Variants in DNAH6 observed in about 807,000 individuals in gnomAD.
DNAH6 encodes the protein axonemal beta dynein heavy chain 6.
In DNAH6, 340 loss-of-function variants were observed where a neutral mutation model predicts 491.4. The observed-to-expected ratio is 0.69, with a 90% CI of 0.63 to 0.76. The LOEUF is 0.76. DNAH6 is among the 30% of genes least tolerant of loss of function. The pLI, the probability that DNAH6 is intolerant of heterozygous loss-of-function variation, is 0.00. For synonymous variants in DNAH6, 1,603 were observed against 1,686.1 expected (o/e 0.95, Z 1.21); for missense variants, 4,443 against 4,972.2 (o/e 0.89, Z 3.20).
intron 39 of DNAH6, 27 bp downstream of exon 39, chr2:84,670,502 C>T: frequency 7.1e-7 from 1 of 1,402,750 alleles, no homozygotes; most frequent in Non-Finnish European, 9.7e-7. Flanking sequence ...TAGTTTGTCC[C>T]ACACAAATTA....
Position 84,681,377 on chromosome 2 carries a change from G to C in DNAH6, c.6765G>C (p.Leu2255=). 6.5e-7 allele frequency: 1 copy of C among 1,546,110 alleles called. No homozygotes were observed. Among genetic ancestry groups the C allele is most frequent in the Non-Finnish European group, 8.7e-7 (1 of 1,144,548 alleles). The part of the protein sequence containing the change: ...QIFQAILNGF[L]SDFPPAVKQT... Reference sequence around the variant, plus strand: ...TCTAGGCCATCTTAAATGGTTTCCTGAGTGACTTTCCACCAGCTGTAAAGC... The same window carrying C: ...TCTAGGCCATCTTAAATGGTTTCCTCAGTGACTTTCCACCAGCTGTAAAGC... The change falls in exon 42 of 77, where the codon CTG becomes CTC. Residue 2255 remains leucine (L), a synonymous_variant. Coordinates refer to ENST00000389394, the MANE Select transcript of DNAH6 (RefSeq NM_001370.2).
At chr2:84,813,826 C>A in intron 74 of DNAH6, 145 bp from the exon 75 acceptor site, 1 of 770,860 alleles carries the variant, frequency 1.3e-6, no homozygotes, top group Non-Finnish European at 2.1e-6. Context: ...TGTGAACTAA[C>A]TCAGAGGAAG....
chr2:84,568,093 G>A (rs1681399534), intron 11 of DNAH6, among the ~76,000 whole-genome samples: 1 of 152,118 alleles, frequency 6.6e-6, no homozygotes, highest in Non-Finnish European at 1.5e-5. Context: ...ATGATGGTGA[G>A]GCTGTGGAGG....
rs370629640 is a variant in DNAH6, at chr2:84,557,948, T to C, written c.1803+13T>C. The C allele has an allele frequency of 4.0e-6, 6 of 1,516,708 alleles. No individual in the cohort carries two copies. The African/African-American group carries it at 8.2e-5, about 21-fold the overall frequency. The allele number at this position is 1,516,708 out of a possible 1,614,324, so 94.0% of individuals were successfully genotyped here. The stretch of plus-strand genomic sequence containing the variant: ...TTCTCAAATAAAGGTATGTTTACTC[T>C]GACTAAAACTATTCTATAATATTCT... On this transcript the variant is annotated intron_variant, in intron 11 of 76. Coordinates refer to ENST00000389394, the MANE Select transcript of DNAH6 (RefSeq NM_001370.2).
intron 59 of DNAH6, 59 bp from the exon 60 acceptor site, chr2:84,722,565 GA>G: frequency 7.3e-7 from 1 of 1,371,290 alleles, no homozygotes; most frequent in Non-Finnish European, 9.9e-7. Flanking sequence ...ATACATTCCA[GA>G]AGTCCCACTA....
intron 62 of DNAH6, among the ~76,000 whole-genome samples, chr2:84,741,133 G>T (rs1558984373): frequency 6.6e-6 from 1 of 152,088 alleles, no homozygotes; most frequent in Non-Finnish European, 1.5e-5. Flanking sequence ...TCGTAGCAAG[G>T]CATTGGACAT....
chr2:84,777,503 A>G (rs531119703), intron 64 of DNAH6: 1 of 722,058 alleles, frequency 1.4e-6, no homozygotes, highest in Non-Finnish European at 2.6e-6. Context: ...AGAGGGTCCA[A>G]TGTCCCAGCC....
At chr2:84,514,326 CT>C (rs144478122), upstream of DNAH6, among the ~76,000 whole-genome samples, 1,087 of 152,256 alleles carry the variant, frequency 7.1e-3, 14 homozygotes, top group African/African-American at 0.024. Context: ...CTTACTACCT[CT>C]GAAGTGACTT....
At chr2:84,777,807 A>G (rs1676293969) in intron 64 of DNAH6, 1 of 1,139,190 alleles carries the variant, frequency 8.8e-7, no homozygotes, top group East Asian at 2.3e-5. Flanking sequence ...CTTATCTTCC[A>G]AGCCACATAG....
At chr2:84,605,269 C>T (rs1403136295) in intron 19 of DNAH6, among the ~76,000 whole-genome samples, 3 of 149,288 alleles carry the variant, frequency 2.0e-5, no homozygotes, top group Non-Finnish European at 4.4e-5. Flanking sequence ...AGGAGAATGG[C>T]GTGAACCCAG....
chr2:84,714,461 T>C (rs928456728), intron 57 of DNAH6, among the ~76,000 whole-genome samples: 3 of 152,140 alleles, frequency 2.0e-5, no homozygotes, highest in African/African-American at 7.2e-5. Context: ...GGAAGGAGAA[T>C]GGAGGGGAGC....
chr2:84,468,005 T>A, the DNAH6 span, among the ~76,000 whole-genome samples: 3 of 152,186 alleles, frequency 2.0e-5, no homozygotes, highest in Non-Finnish European at 4.4e-5. Context: ...TTTTTAAAAG[T>A]TAAAGAGGTG....
At chr2:84,778,504 C>CTT (rs35187823) in intron 64 of DNAH6, among the ~76,000 whole-genome samples, 7 of 145,922 alleles carry the variant, frequency 4.8e-5, no homozygotes, top group South Asian at 2.2e-4. Context: ...GCACTATAAA[C>CTT]TTTTTTTTTT....
rs1334672896 is a variant in DNAH6, at chr2:84,777,879, C to T, written c.10704-3614C>T. 8.1e-6 allele frequency: 10 copies of T among 1,237,636 alleles called. No individual in the cohort carries two copies. In the East Asian group the frequency reaches 1.6e-4, roughly 20 times the overall value. 76.7% of individuals were successfully genotyped at this position (1,237,636 alleles called of 1,614,324 possible). A position where few individuals can be genotyped will look rare whatever the true frequency, so the allele number is the denominator to read the frequency against. ...TTGCAGTTCGTGCTGTATTTTACAA[C>T]ATTAGGAATGATGAATTTAAAGATG... On this transcript the variant is annotated intron_variant, in intron 64 of 76. Coordinates refer to ENST00000389394, the MANE Select transcript of DNAH6 (RefSeq NM_001370.2).
chr2:84,701,131 C>A lies in DNAH6; in HGVS notation c.7853C>A (p.Thr2618Lys). The change falls in exon 49 of 77, where the codon ACA becomes AAA. Residue 2618 changes from threonine to lysine, a missense_variant. Physicochemically the swap from Thr to Lys is moderately conservative, Grantham distance 78 (BLOSUM62 -1). This residue lies in a region of DNAH6 where 2,977 missense variants were observed against 3,296.6 expected (regional missense o/e 0.90). Coordinates refer to ENST00000389394, the MANE Select transcript of DNAH6 (RefSeq NM_001370.2). Reference protein sequence around the residue: ...PREALLSVSKTFFSQVDAGNE... With the variant: ...PREALLSVSKKFFSQVDAGNE... Reference sequence around the variant, plus strand: ...GAAGCACTTCTTTCTGTGTCAAAGACATTTTTCTCACAAGTCGATGCTGGA... The same window carrying A: ...GAAGCACTTCTTTCTGTGTCAAAGAAATTTTTCTCACAAGTCGATGCTGGA... 1 of 1,551,840 alleles carries A rather than the reference C, an allele frequency of 6.4e-7. No homozygotes were observed. The highest frequency in any genetic ancestry group is 1.2e-5 in the South Asian group (1 of 84,056).
chr2:84,474,972 C>T, the DNAH6 span, among the ~76,000 whole-genome samples: 1 of 152,190 alleles, frequency 6.6e-6, no homozygotes, highest in Non-Finnish European at 1.5e-5. Flanking sequence ...TTTCACTGTG[C>T]TTCTTCTAGT....
intron 71 of DNAH6, among the ~76,000 whole-genome samples, chr2:84,807,578 T>A (rs1679539650): frequency 6.6e-6 from 1 of 152,124 alleles, no homozygotes; most frequent in African/African-American, 2.4e-5. Context: ...GCAGTGCAGG[T>A]GAGCAGGGAA....
chr2:84,805,426 A>G (rs1679324219), intron 70 of DNAH6, among the ~76,000 whole-genome samples: 1 of 152,222 alleles, frequency 6.6e-6, no homozygotes, highest in Non-Finnish European at 1.5e-5. Context: ...GTCAAGCAAG[A>G]TGAATCAGCA....
intron 76 of DNAH6, among the ~76,000 whole-genome samples, chr2:84,816,495 A>G (rs561109970): frequency 6.6e-6 from 1 of 152,340 alleles, no homozygotes; most frequent in African/African-American, 2.4e-5. Context: ...AGACCGAAGC[A>G]GATGAATCAC....
Sources: gnomAD v4.1 joint callset for allele counts (sites outside exome capture counted in the v4.1 genomes callset) on GRCh38, gnomAD v4.1.1 for gene constraint, gnomAD v4.1.1 regional missense constraint, MANE v1.5 for transcripts, NCBI Gene and HGNC (gene_info 2026-07-23, HGNC 2026-07-21) for gene names.